CARD19: variants seen among roughly 807,000 people sequenced by gnomAD.
The protein encoded by CARD19 is caspase recruitment domain-containing protein 19.
Under a neutral mutation model 24.1 loss-of-function variants are expected in CARD19, and 25 were observed. That is an observed-to-expected ratio of 1.04 (90% CI 0.76 to 1.45). The LOEUF is 1.45. Ranked by LOEUF, CARD19 falls within the 40% of genes most tolerant of loss-of-function variation. The probability of loss-of-function intolerance (pLI) is 0.00; values close to 1 mark genes in which losing one functional copy is unlikely to be tolerated. For missense variants in CARD19, 241 were observed against 247.4 expected (o/e 0.97, Z 0.17); for synonymous variants, 103 against 104.9 (o/e 0.98, Z 0.11).
Position 93,111,300 on chromosome 9 carries a change from G to A in CARD19, c.304+579G>A. The A allele has an allele frequency of 4.4e-6, 5 of 1,145,440 alleles. No individual in the cohort carries two copies. The East Asian group carries it at 3.5e-4, about 80-fold the overall frequency. 71.0% of individuals were successfully genotyped at this position (1,145,440 alleles called of 1,614,324 possible). ...AGTCATGTGGATGCCAGTAGCCTGG[G>A]CCCACAGAGCTGCTGGGATGTGGGG... On this transcript the variant is annotated intron_variant, in intron 3 of 5. Transcript: ENST00000375464.
Position 93,096,414 on chromosome 9 carries a change from G to A in CARD19, c.7+62G>A, listed in dbSNP as rs1034461125. On this transcript the variant is annotated intron_variant, in intron 1 of 5. Transcript: ENST00000375464. This position sits in a 1 kb window ranked among gnomAD's most constrained non-coding sequence, Gnocchi z 5.4. Reference sequence around the variant, plus strand: ...CGCCCTGGATGGGTGGCCCGGCCCGGGGGTCCGGCTGCCTTGCGAGTCGCC... The same window carrying A: ...CGCCCTGGATGGGTGGCCCGGCCCGAGGGTCCGGCTGCCTTGCGAGTCGCC... 8.2e-7 allele frequency: 1 copy of A among 1,218,598 alleles called. No individual in the cohort carries two copies. The highest frequency in any genetic ancestry group is 1.6e-5 in the African/African-American group (1 of 63,904). 75.5% of individuals were successfully genotyped at this position (1,218,598 alleles called of 1,614,324 possible).
At chr9:93,106,006 A>G (rs1175536153) in intron 1 of CARD19, among the ~76,000 whole-genome samples, 1 of 152,214 alleles carries the variant, frequency 6.6e-6, no homozygotes, top group Non-Finnish European at 1.5e-5. Flanking sequence ...TTTGGTGCAT[A>G]TATGTTTATA....
At position 93,113,155 on chromosome 9, in the gene CARD19, C is replaced by T. The variant is rs780479839; in HGVS notation, c.*48C>T. 1.2e-5 allele frequency: 15 copies of T among 1,227,298 alleles called. No individual in the cohort carries two copies. The East Asian group carries it at 2.4e-4, about 19-fold the overall frequency. 76.0% of individuals were successfully genotyped at this position (1,227,298 alleles called of 1,614,324 possible). On this transcript the variant is annotated 3_prime_UTR_variant, in exon 6 of 6. Coordinates refer to ENST00000375464, the MANE Select transcript of CARD19 (RefSeq NM_032310.5). ...ACCTGCCACTCAACCAAAGAGTCCTCGAGCCGGCCCGCCAAGGGGACTGCT... is the reference window on the plus strand; with the variant it reads ...ACCTGCCACTCAACCAAAGAGTCCTTGAGCCGGCCCGCCAAGGGGACTGCT...
At chr9:93,112,385 C>G in intron 5 of CARD19, 96 bp downstream of exon 5, 2 of 995,494 alleles carry the variant, frequency 2.0e-6, no homozygotes, top group Non-Finnish European at 3.1e-6. Flanking sequence ...CCCTTGGCCT[C>G]TTCGTACCTC....
chr9:93,111,521 G>C, intron 3 of CARD19: 1 of 1,158,210 alleles, frequency 8.6e-7, no homozygotes, highest in Non-Finnish European at 1.1e-6. Flanking sequence ...CAGTGCAGAC[G>C]GTGGGCGGGG....
intron 3 of CARD19, chr9:93,111,405 G>A (rs1385466222): frequency 2.8e-6 from 3 of 1,090,260 alleles, no homozygotes; most frequent in Non-Finnish European, 3.4e-6. Context: ...ACTGCCCCTT[G>A]GCCCTTAGAC....
chr9:93,107,667 G>A lies in CARD19; in HGVS notation c.8-7G>A, dbSNP rs1827314832. ...GCTGGCTCATGACCCTGTGCTATCT[G>A]TTTTAGATCAGACCTATTGTGACCG... is the stretch of plus-strand genomic sequence containing the variant. On this transcript the variant is annotated splice_polypyrimidine_tract_variant and splice_region_variant and intron_variant, in intron 1 of 5. Transcript: ENST00000375464. 1 of 1,614,060 alleles carries A rather than the reference G, an allele frequency of 6.2e-7. No individual in the cohort carries two copies. The highest frequency in any genetic ancestry group is 8.5e-7 in the Non-Finnish European group (1 of 1,180,030).
chr9:93,102,750 C>CT (rs1306873123), intron 1 of CARD19, among the ~76,000 whole-genome samples: 2 of 150,808 alleles, frequency 1.3e-5, no homozygotes, highest in Non-Finnish European at 1.5e-5. Flanking sequence ...GCAAAAAACA[C>CT]TTAAGATTTT....
chr9:93,098,900 C>CTTTTTTTT (rs10693165), intron 1 of CARD19, among the ~76,000 whole-genome samples: 1 of 120,456 alleles, frequency 8.3e-6, no homozygotes, highest in African/African-American at 3.2e-5. Flanking sequence ...TTGCAGAACT[C>CTTTTTTTT]TTTTTTTTTT....
Position 93,096,372 on chromosome 9 carries a change from G to C in CARD19, c.7+20G>C. The C allele has an allele frequency of 8.2e-7, 1 of 1,225,690 alleles. No homozygotes were observed. The highest frequency in any genetic ancestry group is 3.2e-5 in the East Asian group (1 of 31,228). The allele number at this position is 1,225,690 out of a possible 1,614,324, so 75.9% of individuals were successfully genotyped here. On this transcript the variant is annotated intron_variant, in intron 1 of 5. Transcript: ENST00000375464. This position sits in a 1 kb window ranked among gnomAD's most constrained non-coding sequence, Gnocchi z 5.4. ...TGACAGGTGGGCACGGGGTCGGCTG[G>C]GCGGCAGGGATGCGGGCGCCCTGGA...
Position 93,113,116 on chromosome 9 carries a change from G to T in CARD19, c.*9G>T. 1 of 1,540,518 alleles carries T rather than the reference G, an allele frequency of 6.5e-7. No homozygotes were observed. On this transcript the variant is annotated 3_prime_UTR_variant, in exon 6 of 6. Transcript: ENST00000375464. ...ACCTAGGGGGGCTCTGACAGACCCTGGACCCAGGGCCTCACCTGCCACTCA... is the reference window on the plus strand; with the variant it reads ...ACCTAGGGGGGCTCTGACAGACCCTTGACCCAGGGCCTCACCTGCCACTCA...
In CARD19 at chr9:93,111,917, A is replaced by T; in HGVS notation, c.343A>T (p.Ser115Cys). 6.2e-7 allele frequency: 1 copy of T among 1,611,668 alleles called. No individual in the cohort carries two copies. The highest frequency in any genetic ancestry group is 1.1e-5 in the South Asian group (1 of 90,900). ...CACAGAGCTAGACTCGGGCAGCCAG[A>T]GCGGCGAGCTGAGTAACAGGGGTAA... ...DCTELDSGSQ[S>C]GELSNRGPMS... Residue 115 changes from serine to cysteine, a missense_variant, in exon 4 of 6, where the codon AGC becomes TGC. Physicochemically the swap from Ser to Cys is moderately radical, Grantham distance 112. Transcript: ENST00000375464.
chr9:93,112,649 C>G (rs1044973660), intron 5 of CARD19, among the ~76,000 whole-genome samples: 1 of 152,214 alleles, frequency 6.6e-6, no homozygotes. Context: ...AGCCACAGGC[C>G]TGATGCACAG....
Position 93,096,492 on chromosome 9 carries a change from C to A in CARD19, c.7+140C>A. On this transcript the variant is annotated intron_variant, in intron 1 of 5. Transcript: ENST00000375464. This position sits in a 1 kb window ranked among gnomAD's most constrained non-coding sequence, Gnocchi z 5.4. ...CGAGTGACCTTGGCCCGTCAGCTGT[C>A]GGTGGTGCGCGAGTGCACCCCCGCG... 1 of 810,428 alleles carries A rather than the reference C, an allele frequency of 1.2e-6. No homozygotes were observed. The highest frequency in any genetic ancestry group is 1.6e-6 in the Non-Finnish European group (1 of 608,656). 50.2% of individuals were successfully genotyped at this position (810,428 alleles called of 1,614,324 possible).
chr9:93,107,444 G>A (rs4744175), intron 1 of CARD19, among the ~76,000 whole-genome samples: 67,742 of 152,226 alleles, frequency 0.45, 17,987 homozygotes, highest in East Asian at 0.63. Context: ...GGTTTCCACC[G>A]CAACCCCTCA....
At chr9:93,101,066 G>A (rs1827060316) in intron 1 of CARD19, among the ~76,000 whole-genome samples, 1 of 54,382 alleles carries the variant, frequency 1.8e-5, no homozygotes, top group Admixed American at 2.4e-4. Flanking sequence ...TTGAGTTCCT[G>A]CATTTATTTA....
chr9:93,110,740 A>C lies in CARD19; in HGVS notation c.304+19A>C, dbSNP rs1827441780. Reference sequence around the variant, plus strand: ...GCTCTGCGTAAGTTCCACATCACCAACCATGCATGCTTGGTGCTGGCCCGG... The same window carrying C: ...GCTCTGCGTAAGTTCCACATCACCACCCATGCATGCTTGGTGCTGGCCCGG... On this transcript the variant is annotated intron_variant, in intron 3 of 5. Coordinates refer to ENST00000375464, the MANE Select transcript of CARD19 (RefSeq NM_032310.5). 6.2e-7 allele frequency: 1 copy of C among 1,605,248 alleles called. No homozygotes were observed. Among genetic ancestry groups the C allele is most frequent in the Middle Eastern group, 1.7e-4 (1 of 6,060 alleles).
Position 93,096,633 on chromosome 9 carries a change from G to C in CARD19, c.7+281G>C, listed in dbSNP as rs1826873009. Among the ~76,000 whole-genome samples, 1 of 152,230 alleles carries C rather than the reference G, an allele frequency of 6.6e-6. No homozygotes were observed. Among genetic ancestry groups the C allele is most frequent in the African/African-American group, 2.4e-5 (1 of 41,460 alleles). On this transcript the variant is annotated intron_variant, in intron 1 of 5. Coordinates refer to ENST00000375464, the MANE Select transcript of CARD19 (RefSeq NM_032310.5). This position sits in a 1 kb window ranked among gnomAD's most constrained non-coding sequence, Gnocchi z 5.4. ...CGAAGAGGGCGGGGGCTACAAGGCA[G>C]CTCCAGGGTGGGGCTGCACAGCCGC...
intron 3 of CARD19, chr9:93,111,333 C>G (rs1264990268): frequency 8.9e-7 from 1 of 1,123,214 alleles, no homozygotes; most frequent in African/African-American, 1.6e-5. Context: ...GGGGGCATAT[C>G]AAGTTGAAGA....
Sources: allele counts gnomAD v4.1 joint callset (sites outside exome capture counted in the v4.1 genomes callset), GRCh38; gene constraint gnomAD v4.1.1; non-coding constraint Gnocchi (gnomAD v3.1); transcripts MANE v1.5; gene names NCBI Gene and HGNC (gene_info 2026-07-23, HGNC 2026-07-21).